The following ACTA2 variants were observed in gnomAD, a reference collection of about 807,000 sequenced individuals.
ACTA2 encodes actin, aortic smooth muscle.
In ACTA2, 12 loss-of-function variants were observed where a neutral mutation model predicts 39.5. The ratio of observed to expected loss-of-function variants is 0.30; its 90% CI spans 0.19 to 0.49. The LOEUF is 0.49. Among genes scored for constraint, ACTA2 ranks in the 20% least tolerant of loss-of-function variants. ACTA2 has a pLI of 0.99. For synonymous variants in ACTA2, 158 were observed against 180.6 expected (o/e 0.88, Z 1.00); for missense variants, 236 against 498.8 (o/e 0.47, Z 5.02).
At position 88,935,165 on chromosome 10, in the gene ACTA2, T is replaced by G; in HGVS notation, c.*58A>C. On this transcript the variant is annotated 3_prime_UTR_variant, in exon 9 of 9. Coordinates refer to ENST00000224784, the MANE Select transcript of ACTA2 (RefSeq NM_001613.4). ...ATGATTTGGAAAAGAACTGAAGGCATAATTCCACAGGACATTCACAGTTGT... is the reference window on the plus strand; with the variant it reads ...ATGATTTGGAAAAGAACTGAAGGCAGAATTCCACAGGACATTCACAGTTGT... 6.9e-6 allele frequency: 11 copies of G among 1,605,328 alleles called. No homozygotes were observed. The highest frequency in any genetic ancestry group is 8.5e-6 in the Non-Finnish European group (10 of 1,174,414).
At chr10:88,946,495 T>C (rs114808726) in intron 3 of ACTA2, among the ~76,000 whole-genome samples, 2,890 of 152,036 alleles carry the variant, frequency 0.019, 103 homozygotes, top group African/African-American at 0.067. Flanking sequence ...CAGGCTCAAG[T>C]GATCCTCCCA....
At chr10:88,986,284 G>A (rs1434337717) in intron 1 of ACTA2, among the ~76,000 whole-genome samples, 1 of 152,120 alleles carries the variant, frequency 6.6e-6, no homozygotes, top group African/African-American at 2.4e-5. Context: ...TGCTTCTCAT[G>A]TTTGTTTTCA....
At chr10:88,962,314 A>T (rs902894071) in intron 1 of ACTA2, among the ~76,000 whole-genome samples, 13 of 152,196 alleles carry the variant, frequency 8.5e-5, no homozygotes, top group Non-Finnish European at 7.3e-5. Flanking sequence ...GTAAATTCTG[A>T]TCTACAAACA....
At chr10:88,988,799 A>T (rs1847000697) in intron 1 of ACTA2, among the ~76,000 whole-genome samples, 1 of 152,224 alleles carries the variant, frequency 6.6e-6, no homozygotes, top group South Asian at 2.1e-4. Flanking sequence ...AACAGTATAT[A>T]TAATTACCCA....
intron 1 of ACTA2, chr10:88,989,344 C>G (rs758790749): frequency 1.8e-4 from 56 of 311,110 alleles, no homozygotes; most frequent in Non-Finnish European, 3.3e-4. Context: ...CTTCTTTTTA[C>G]ATTTTTTTAT....
intron 3 of ACTA2, chr10:88,946,780 A>G (rs1845956473): frequency 1.3e-5 from 2 of 151,322 alleles, no homozygotes; most frequent in Admixed American, 1.3e-4. Context: ...TTTAGGGTAC[A>G]TGTGCACAAC....
At chr10:88,956,355 G>A (rs1316915419), upstream of ACTA2, among the ~76,000 whole-genome samples, 2 of 152,182 alleles carry the variant, frequency 1.3e-5, no homozygotes, top group African/African-American at 4.8e-5. Flanking sequence ...ACTCATGGCT[G>A]CTTCCTCTTT....
At chr10:88,941,037 C>A in intron 6 of ACTA2, 192 bp downstream of exon 6, 1 of 646,426 alleles carries the variant, frequency 1.5e-6, no homozygotes, top group Admixed American at 2.1e-5. Context: ...TAACTGTTCT[C>A]CTCAAGGAAA....
At chr10:88,988,981 G>A (rs190348402) in intron 1 of ACTA2, among the ~76,000 whole-genome samples, 43 of 152,336 alleles carry the variant, frequency 2.8e-4, no homozygotes, top group Non-Finnish European at 5.4e-4. Flanking sequence ...TACGTGGGCA[G>A]AGGGTAGGGG....
intron 4 of ACTA2, among the ~76,000 whole-genome samples, chr10:88,942,695 TA>T (rs1845877937): frequency 6.6e-6 from 1 of 152,150 alleles, no homozygotes; most frequent in East Asian, 1.9e-4. Flanking sequence ...CCTACTCTAT[TA>T]ACCAGAATGT....
intron 1 of ACTA2, among the ~76,000 whole-genome samples, chr10:88,963,802 A>G (rs1001478339): frequency 2.0e-5 from 3 of 152,192 alleles, no homozygotes; most frequent in Admixed American, 6.5e-5. Flanking sequence ...TGGCTTGTAA[A>G]GAACCAGGAT....
intron 1 of ACTA2, among the ~76,000 whole-genome samples, chr10:88,980,659 C>T (rs2133347113): frequency 6.6e-6 from 1 of 152,290 alleles, no homozygotes; most frequent in South Asian, 2.1e-4. Flanking sequence ...GGATCTTAGA[C>T]TTAAGCTCAA....
rs554369080 is a variant in ACTA2, at chr10:88,987,414, G to A, written c.-24+3525C>T. Among the ~76,000 whole-genome samples, 29 of 152,278 alleles carry A rather than the reference G, an allele frequency of 1.9e-4. 2 individuals carry two copies. In the East Asian group the frequency reaches 4.8e-3, roughly 25 times the overall value. On this transcript the variant is annotated intron_variant, in intron 1 of 4. Coordinates refer to the ACTA2 transcript ENST00000415557. Reference sequence around the variant, plus strand: ...TTGGGTGGTCCAGGGTTCAATTTCAGAACCAAATGCATCCAGAACTTGGAT... The same window carrying A: ...TTGGGTGGTCCAGGGTTCAATTTCAAAACCAAATGCATCCAGAACTTGGAT...
At chr10:88,941,907 C>T (rs747344511) in intron 4 of ACTA2, 38 bp from the exon 5 acceptor site, 2 of 1,566,522 alleles carry the variant, frequency 1.3e-6, no homozygotes, top group South Asian at 2.3e-5. Context: ...AGTGAAGGTG[C>T]CCATCTGACA....
intron 4 of ACTA2, 31 bp downstream of exon 4, chr10:88,943,764 CCA>C (rs751285783): frequency 6.4e-7 from 1 of 1,560,056 alleles, no homozygotes; most frequent in Admixed American, 1.7e-5. Context: ...TCCCCAGACC[CCA>C]CAGTGTTGTG....
intron 1 of ACTA2, among the ~76,000 whole-genome samples, chr10:88,969,341 C>G (rs560059859): frequency 1.3e-5 from 2 of 152,324 alleles, no homozygotes; most frequent in East Asian, 3.9e-4. Flanking sequence ...TTTCCACATT[C>G]TGCTATGCCT....
chr10:88,951,258 A>T (rs1846044459), intron 1 of ACTA2, among the ~76,000 whole-genome samples: 1 of 152,212 alleles, frequency 6.6e-6, no homozygotes, highest in Non-Finnish European at 1.5e-5. Context: ...ATAAGCAGGC[A>T]CTCTATGGAT....
intron 1 of ACTA2, among the ~76,000 whole-genome samples, chr10:88,969,938 T>C (rs1846394611): frequency 6.6e-6 from 1 of 152,148 alleles, no homozygotes; most frequent in African/African-American, 2.4e-5. Flanking sequence ...GTTGAATGAA[T>C]GAATGAACGA....
At chr10:88,949,605 T>C (rs1359477820) in intron 1 of ACTA2, among the ~76,000 whole-genome samples, 1 of 152,194 alleles carries the variant, frequency 6.6e-6, no homozygotes, top group Non-Finnish European at 1.5e-5. Context: ...TTAATAAAAG[T>C]CACTGTTAAG....
Sources: gnomAD v4.1 joint callset for allele counts (sites outside exome capture counted in the v4.1 genomes callset) on GRCh38, gnomAD v4.1.1 for gene constraint, MANE v1.5 for transcripts, NCBI Gene and HGNC (gene_info 2026-07-23, HGNC 2026-07-21) for gene names.